The following SEZ6L variants were observed in gnomAD, a reference collection of about 807,000 sequenced individuals.
SEZ6L encodes seizure 6-like protein.
SEZ6L carries 37 observed loss-of-function variants against 106.2 expected under a neutral mutation model. That is an observed-to-expected ratio of 0.35 (90% confidence interval 0.27 to 0.46). SEZ6L has a LOEUF of 0.46. SEZ6L is among the 20% of genes least tolerant of loss of function. SEZ6L has a pLI of 1.00. For synonymous variants in SEZ6L, 541 were observed against 570.4 expected (o/e 0.95, Z 0.73); for missense variants, 1,172 against 1,332.8 (o/e 0.88, Z 1.88).
chr22:26,374,756 T>A (rs1044697152), intron 14 of SEZ6L, among the ~76,000 whole-genome samples: 3 of 152,200 alleles, frequency 2.0e-5, no homozygotes, highest in African/African-American at 7.2e-5. Context: ...GCCAAGTTTC[T>A]AGAAGGAATG....
At chr22:26,314,074 AC>A (rs1174733746) in intron 9 of SEZ6L, among the ~76,000 whole-genome samples, 172 bp downstream of exon 9, 1 of 75,354 alleles carries the variant, frequency 1.3e-5, no homozygotes, top group East Asian at 9.2e-4. Context: ...TCACAAATAC[AC>A]ACACACACAC....
Position 26,292,916 on chromosome 22 carries a change from T to C in SEZ6L, c.605T>C (p.Ile202Thr). The C allele has an allele frequency of 6.2e-7, 1 of 1,613,588 alleles. No individual in the cohort carries two copies. Among genetic ancestry groups the C allele is most frequent in the Non-Finnish European group, 8.5e-7 (1 of 1,179,926 alleles). ...CCTACAACACCCGCACCCCTGCAAA[T>C]CTCCCCCTTCACTTCGCAGCCCTAT... ...AVPTTPAPLQISPFTSQPYVA... is the reference protein window; with the variant it reads ...AVPTTPAPLQTSPFTSQPYVA... The change falls in exon 2 of 17, where the codon ATC becomes ACC. Residue 202 changes from isoleucine to threonine, a missense_variant. Ile to Thr is a moderately conservative substitution (Grantham distance 89). Coordinates refer to ENST00000248933, the MANE Select transcript of SEZ6L (RefSeq NM_021115.5).
chr22:26,370,784 A>G (rs1348527020), intron 13 of SEZ6L, among the ~76,000 whole-genome samples: 1 of 152,084 alleles, frequency 6.6e-6, no homozygotes, highest in African/African-American at 2.4e-5. Context: ...TGGGAAGATC[A>G]CTTGAGCCCA....
At chr22:26,217,993 A>G (rs981625288) in intron 1 of SEZ6L, among the ~76,000 whole-genome samples, 4 of 152,206 alleles carry the variant, frequency 2.6e-5, no homozygotes, top group Admixed American at 1.3e-4. Context: ...TGTCCTGTCA[A>G]TCTCCTGGGT....
chr22:26,188,795 C>G (rs1228808255), intron 1 of SEZ6L, among the ~76,000 whole-genome samples: 1 of 152,136 alleles, frequency 6.6e-6, no homozygotes, highest in Non-Finnish European at 1.5e-5. Flanking sequence ...CACTCTTAAC[C>G]CGGGAGATTA....
chr22:26,294,334 A>C lies in SEZ6L; in HGVS notation c.878A>C (p.Asp293Ala). Residue 293 changes from aspartate (D) to alanine (A), a missense_variant, in exon 3 of 17, where the codon GAC becomes GCC. Coordinates refer to ENST00000248933, the MANE Select transcript of SEZ6L (RefSeq NM_021115.5). ...TTCTCCAATCCTGAGGGGTACATTG[A>C]CTCCAGCGACTACCCACTGCTGCCC... ...VSFSNPEGYI[D>A]SSDYPLLPLN... 6.2e-7 allele frequency: 1 copy of C among 1,613,900 alleles called. No individual in the cohort carries two copies. The highest frequency in any genetic ancestry group is 1.1e-5 in the South Asian group (1 of 91,060).
intron 1 of SEZ6L, among the ~76,000 whole-genome samples, chr22:26,261,178 T>TGGGATGTCTGTTTACTCTGC (rs1202523240): frequency 6.6e-6 from 1 of 152,194 alleles, no homozygotes; most frequent in Admixed American, 6.5e-5. Context: ...TCTCACTCTG[T>TGGGATGTCTGTTTACTCTGC]GGGTTGTCTG....
chr22:26,287,669 T>C (rs17303828), intron 1 of SEZ6L, among the ~76,000 whole-genome samples: 11,089 of 152,216 alleles, frequency 0.073, 527 homozygotes, highest in Middle Eastern at 0.14. Context: ...GCTGAGGCCC[T>C]GAAGTACAAT....
At chr22:26,278,945 G>A (rs865930993) in intron 1 of SEZ6L, among the ~76,000 whole-genome samples, 1 of 121,034 alleles carries the variant, frequency 8.3e-6, no homozygotes, top group African/African-American at 3.0e-5. Context: ...AAGAAAGAAA[G>A]AAAAAGAAAG....
chr22:26,169,736 G>A lies in SEZ6L; in HGVS notation c.67G>A (p.Gly23Arg). Residue 23 changes from glycine (G) to arginine (R), a missense_variant, in exon 1 of 17, where the codon GGG (glycine) becomes AGG (arginine). This residue lies in a region of SEZ6L where 494 missense variants were observed against 445.8 expected (regional missense o/e 1.11). Coordinates refer to ENST00000248933, the MANE Select transcript of SEZ6L (RefSeq NM_021115.5). ...CTCGCTGTTCCTCGCTCTGCTCCTG[G>A]GGAGCCCGGCGGCAGCGCTGGAGCG... Reference protein sequence around the residue: ...GISLFLALLLGSPAAALERDA... With the variant: ...GISLFLALLLRSPAAALERDA... 7.9e-7 allele frequency: 1 copy of A among 1,266,210 alleles called. No individual in the cohort carries two copies. The highest frequency in any genetic ancestry group is 9.9e-7 in the Non-Finnish European group (1 of 1,007,040). The allele number at this position is 1,266,210 out of a possible 1,614,324, so 78.4% of individuals were successfully genotyped here.
chr22:26,299,365 C>T (rs1174289716), intron 5 of SEZ6L, among the ~76,000 whole-genome samples, 196 bp downstream of exon 5: 2 of 152,156 alleles, frequency 1.3e-5, no homozygotes, highest in Admixed American at 6.5e-5. Flanking sequence ...CCATTGGAGA[C>T]ATTTTAGTAT....
At chr22:26,366,319 G>A (rs1259328668) in intron 13 of SEZ6L, among the ~76,000 whole-genome samples, 4 of 152,058 alleles carry the variant, frequency 2.6e-5, no homozygotes, top group Non-Finnish European at 5.9e-5. Context: ...GGGTGACACA[G>A]CGAGATTCTA....
chr22:26,365,704 T>G, intron 13 of SEZ6L, 138 bp downstream of exon 13: 1 of 665,812 alleles, frequency 1.5e-6, no homozygotes, highest in Non-Finnish European at 2.4e-6. Flanking sequence ...GAGACCCCCA[T>G]CTCTACCAAA....
chr22:26,333,926 T>C (rs1005191807), intron 9 of SEZ6L, among the ~76,000 whole-genome samples: 1 of 151,918 alleles, frequency 6.6e-6, no homozygotes. Flanking sequence ...ACCAAGAGCA[T>C]CGTGCTTTGG....
intron 1 of SEZ6L, among the ~76,000 whole-genome samples, chr22:26,260,919 G>A (rs1456868776): frequency 1.3e-5 from 2 of 152,054 alleles, no homozygotes; most frequent in African/African-American, 4.8e-5. Context: ...TTTTGTTATG[G>A]CCATTCTTGC....
chr22:26,382,823 T>A lies in SEZ6L; in HGVS notation c.*2528T>A, dbSNP rs531463165. 6.6e-6 allele frequency: 1 copy of A among 152,294 alleles called. No homozygotes were observed. Among genetic ancestry groups the A allele is most frequent in the South Asian group, 2.1e-4 (1 of 4,820 alleles). The allele number at this position is 152,294 out of a possible 1,614,324, so 9.4% of individuals were successfully genotyped here. A position where few individuals can be genotyped will look rare whatever the true frequency, so the allele number is the denominator to read the frequency against. Reference sequence around the variant, plus strand: ...TTATAAGATCAATATTAAAACCCATTGGGATTAAATATTTTTGAATAGGAT... The same window carrying A: ...TTATAAGATCAATATTAAAACCCATAGGGATTAAATATTTTTGAATAGGAT... On this transcript the variant is annotated 3_prime_UTR_variant, in exon 17 of 17. Coordinates refer to ENST00000248933, the MANE Select transcript of SEZ6L (RefSeq NM_021115.5).
chr22:26,295,115 G>A (rs2081264726), intron 3 of SEZ6L, among the ~76,000 whole-genome samples: 1 of 152,134 alleles, frequency 6.6e-6, no homozygotes, highest in Admixed American at 6.5e-5. Flanking sequence ...GCGTGACTTT[G>A]AACAAGGAAC....
intron 11 of SEZ6L, among the ~76,000 whole-genome samples, chr22:26,348,973 G>A (rs1456071380): frequency 6.7e-6 from 1 of 149,636 alleles, no homozygotes; most frequent in East Asian, 2.0e-4. Context: ...GGAGAGGAGA[G>A]GAGAGGAAGG....
chr22:26,275,234 A>G (rs549653404), intron 1 of SEZ6L, among the ~76,000 whole-genome samples: 10 of 152,304 alleles, frequency 6.6e-5, no homozygotes, highest in Non-Finnish European at 1.5e-4. Context: ...AGAGATACGT[A>G]TTCAGTACTT....
Sources: gnomAD v4.1 joint callset for allele counts (sites outside exome capture counted in the v4.1 genomes callset) on GRCh38, gnomAD v4.1.1 for gene constraint, gnomAD v4.1.1 regional missense constraint, MANE v1.5 for transcripts, NCBI Gene and HGNC (gene_info 2026-07-23, HGNC 2026-07-21) for gene names.